DGKB: variants seen among roughly 807,000 people sequenced by gnomAD.
DGKB encodes 90 kDa diacylglycerol kinase.
In DGKB, 67 loss-of-function variants were observed where a neutral mutation model predicts 114.3. The observed-to-expected ratio is 0.59, with a 90% CI of 0.48 to 0.72. The LOEUF (loss-of-function observed/expected upper bound fraction) is 0.72, where lower values mean the gene tolerates loss of function less well. DGKB is among the 30% of genes least tolerant of loss of function. The probability of loss-of-function intolerance (pLI) is 0.00; values close to 1 mark genes in which losing one functional copy is unlikely to be tolerated. For missense variants in DGKB, 907 were observed against 975.2 expected (o/e 0.93, Z 0.93); for synonymous variants, 398 against 323.1 (o/e 1.23, Z -2.49).
chr7:14,918,648 T>G (rs1411329668), intron 1 of DGKB, among the ~76,000 whole-genome samples: 1 of 152,140 alleles, frequency 6.6e-6, no homozygotes, highest in African/African-American at 2.4e-5. Context: ...ATATCCATAG[T>G]AGGAATATTC....
At chr7:14,356,691 AG>A (rs1256765978) in intron 21 of DGKB, among the ~76,000 whole-genome samples, 1 of 151,986 alleles carries the variant, frequency 6.6e-6, no homozygotes, top group Non-Finnish European at 1.5e-5. Context: ...TTATGATGTT[AG>A]GGTGTGGATT....
chr7:14,815,848 G>T (rs1475834305), intron 2 of DGKB, among the ~76,000 whole-genome samples: 1 of 152,164 alleles, frequency 6.6e-6, no homozygotes, highest in Non-Finnish European at 1.5e-5. Context: ...AACACACTGG[G>T]GGAAAGCATT....
intron 23 of DGKB, among the ~76,000 whole-genome samples, chr7:14,229,254 CAG>C (rs1383595227): frequency 6.6e-6 from 1 of 151,890 alleles, no homozygotes; most frequent in African/African-American, 2.4e-5. Context: ...TGCTCAACAA[CAG>C]GGATACATTC....
At chr7:14,220,677 T>C (rs143540268) in intron 23 of DGKB, among the ~76,000 whole-genome samples, 78 of 151,742 alleles carry the variant, frequency 5.1e-4, no homozygotes, top group Admixed American at 2.1e-3. Flanking sequence ...AGGATTCTGA[T>C]AGTGATTGCA....
At chr7:14,756,590 T>C (rs186575563) in intron 3 of DGKB, among the ~76,000 whole-genome samples, 1 of 152,012 alleles carries the variant, frequency 6.6e-6, no homozygotes, top group Non-Finnish European at 1.5e-5. Flanking sequence ...TAAGAAAATA[T>C]GACATGAAAA....
intron 23 of DGKB, among the ~76,000 whole-genome samples, chr7:14,255,948 T>C (rs573833685): frequency 1.5e-4 from 23 of 152,176 alleles, no homozygotes; most frequent in African/African-American, 5.5e-4. Context: ...CTGTCCTATA[T>C]TCTTGACCTT....
At chr7:14,554,022 G>T (rs1465936944) in intron 20 of DGKB, among the ~76,000 whole-genome samples, 1 of 151,678 alleles carries the variant, frequency 6.6e-6, no homozygotes, top group South Asian at 2.1e-4. Flanking sequence ...ACAGGCAACC[G>T]TCACCACGCC....
At chr7:14,681,522 T>C (rs992915138) in intron 12 of DGKB, among the ~76,000 whole-genome samples, 1 of 151,810 alleles carries the variant, frequency 6.6e-6, no homozygotes, top group Admixed American at 6.6e-5. Context: ...GTGGGGCACT[T>C]GGGGACACAG....
intron 23 of DGKB, among the ~76,000 whole-genome samples, chr7:14,334,715 C>T (rs192256215): frequency 1.3e-3 from 194 of 152,064 alleles, no homozygotes; most frequent in South Asian, 9.8e-3. Context: ...CCTCTACTTT[C>T]ATCTGCAATC....
At chr7:14,831,247 G>T (rs1040634340) in intron 2 of DGKB, among the ~76,000 whole-genome samples, 1 of 151,890 alleles carries the variant, frequency 6.6e-6, no homozygotes, top group African/African-American at 2.4e-5. Flanking sequence ...CAACCTGATG[G>T]GGAAATATGT....
At chr7:14,933,214 C>T (rs1785117375) in intron 1 of DGKB, among the ~76,000 whole-genome samples, 1 of 152,196 alleles carries the variant, frequency 6.6e-6, no homozygotes, top group African/African-American at 2.4e-5. Flanking sequence ...TAAAACATCA[C>T]TAATTATTTT....
intron 1 of DGKB, among the ~76,000 whole-genome samples, chr7:14,948,360 A>C (rs1785995003): frequency 6.6e-6 from 1 of 151,852 alleles, no homozygotes; most frequent in African/African-American, 2.4e-5. Flanking sequence ...AAGCCTCTGC[A>C]TGAACTACAA....
intron 1 of DGKB, among the ~76,000 whole-genome samples, chr7:14,855,514 C>T (rs1039575295): frequency 9.2e-5 from 14 of 152,232 alleles, no homozygotes; most frequent in African/African-American, 1.7e-4. Context: ...AATAAGCACA[C>T]GTGCATTCAC....
chr7:14,746,674 T>G (rs900664915), intron 4 of DGKB, among the ~76,000 whole-genome samples: 1 of 152,038 alleles, frequency 6.6e-6, no homozygotes, highest in African/African-American at 2.4e-5. Flanking sequence ...AATTTTTGTA[T>G]TTTTAGTAGA....
chr7:14,303,504 C>T (rs1298071251), intron 23 of DGKB, among the ~76,000 whole-genome samples: 1 of 151,916 alleles, frequency 6.6e-6, no homozygotes, highest in African/African-American at 2.4e-5. Context: ...AACTTACCTG[C>T]CATATTTATT....
intron 1 of DGKB, among the ~76,000 whole-genome samples, chr7:14,893,728 T>C (rs980270450): frequency 2.6e-5 from 4 of 151,386 alleles, no homozygotes; most frequent in Non-Finnish European, 5.9e-5. Context: ...GAATTGCTTT[T>C]ATTTTCCCCT....
chr7:14,919,095 A>ACACAAACACAC (rs1554345122), intron 1 of DGKB, among the ~76,000 whole-genome samples: 4 of 114,968 alleles, frequency 3.5e-5, no homozygotes, highest in Admixed American at 8.8e-5. Context: ...CACACACACA[A>ACACAAACACAC]ACACACACAC....
chr7:14,426,298 G>C (rs182832848), intron 21 of DGKB, among the ~76,000 whole-genome samples: 1 of 152,134 alleles, frequency 6.6e-6, no homozygotes, highest in Non-Finnish European at 1.5e-5. Flanking sequence ...TTAGAAATCT[G>C]TAAATTAAGC....
At chr7:14,737,196 C>A (rs1357968978) in intron 4 of DGKB, among the ~76,000 whole-genome samples, 1 of 151,672 alleles carries the variant, frequency 6.6e-6, no homozygotes. Context: ...ACTAGAAGAC[C>A]TACAGAGAAG....
Sources: allele counts gnomAD v4.1 joint callset (sites outside exome capture counted in the v4.1 genomes callset), GRCh38; gene constraint gnomAD v4.1.1; transcripts MANE v1.5; gene names NCBI Gene and HGNC (gene_info 2026-07-23, HGNC 2026-07-21).